Variants in PTPRR observed in about 807,000 individuals in gnomAD.
PTPRR encodes receptor-type tyrosine-protein phosphatase R.
PTPRR carries 38 observed loss-of-function variants against 77.2 expected under a neutral mutation model. The observed-to-expected ratio is 0.49, with a 90% CI of 0.38 to 0.65. The LOEUF is 0.65. Among genes scored for constraint, PTPRR ranks in the 30% least tolerant of loss-of-function variants. The pLI is 0.00. For synonymous variants in PTPRR, 299 were observed against 283.1 expected, an observed-to-expected ratio of 1.06 and a Z score of -0.57; for missense variants, 744 against 799.2, an observed-to-expected ratio of 0.93 and a Z score of 0.83.
intron 2 of PTPRR, among the ~76,000 whole-genome samples, chr12:70,835,928 G>A (rs1047340533): frequency 6.6e-6 from 1 of 151,996 alleles, no homozygotes; most frequent in Non-Finnish European, 1.5e-5. Context: ...ATTTTGCAGA[G>A]GTGGCCATTC....
chr12:70,835,987 C>T (rs1005541971), intron 2 of PTPRR, among the ~76,000 whole-genome samples: 1 of 152,036 alleles, frequency 6.6e-6, no homozygotes, highest in East Asian at 1.9e-4. Context: ...TCATACTTGT[C>T]CCCTTTTTCC....
chr12:70,784,406 G>T (rs889358279), intron 2 of PTPRR, among the ~76,000 whole-genome samples: 6 of 152,348 alleles, frequency 3.9e-5, no homozygotes, highest in African/African-American at 1.4e-4. Flanking sequence ...TGGGCTAGTA[G>T]CGGGGTTGGG....
Position 70,861,932 on chromosome 12 carries a change from A to G in PTPRR, c.357+30747T>C, listed in dbSNP as rs559169667. On this transcript the variant is annotated intron_variant, in intron 2 of 13. Coordinates refer to ENST00000283228, the MANE Select transcript of PTPRR (RefSeq NM_002849.4). The stretch of plus-strand genomic sequence containing the variant: ...GAGTTCAGAAATGGAGCAAATGCTC[A>G]GATGGTCATGCTCTTTTAAGGAAGA... Among the ~76,000 whole-genome samples, 5 of 152,314 alleles carry G rather than the reference A, an allele frequency of 3.3e-5. 1 individual carries two copies. The East Asian group carries it at 7.7e-4, about 23-fold the overall frequency.
chr12:70,820,862 T>G (rs750751818), intron 2 of PTPRR, among the ~76,000 whole-genome samples: 8 of 152,210 alleles, frequency 5.3e-5, no homozygotes, highest in Non-Finnish European at 8.8e-5. Flanking sequence ...CTATCTCCTC[T>G]TAGTAATTTA....
At chr12:70,836,174 C>T (rs1189506502) in intron 2 of PTPRR, among the ~76,000 whole-genome samples, 2 of 152,142 alleles carry the variant, frequency 1.3e-5, no homozygotes. Flanking sequence ...GGTTTCTCAT[C>T]ACCTACAGGA....
intron 2 of PTPRR, among the ~76,000 whole-genome samples, chr12:70,770,720 G>A (rs1890951370): frequency 6.6e-6 from 1 of 152,078 alleles, no homozygotes; most frequent in African/African-American, 2.4e-5. Flanking sequence ...GTTTATTGCG[G>A]CACAATTCAC....
intron 2 of PTPRR, among the ~76,000 whole-genome samples, chr12:70,823,284 G>T (rs961358171): frequency 6.6e-6 from 1 of 152,116 alleles, no homozygotes; most frequent in African/African-American, 2.4e-5. Context: ...AGGATGGCAG[G>T]CTCCTGAAAC....
intron 2 of PTPRR, among the ~76,000 whole-genome samples, chr12:70,812,733 GA>G (rs1184388451): frequency 6.6e-6 from 1 of 152,174 alleles, no homozygotes; most frequent in African/African-American, 2.4e-5. Context: ...TTAGAGGTAA[GA>G]AAAGCACACT....
At chr12:70,702,070 C>T (rs1888447839) in intron 6 of PTPRR, among the ~76,000 whole-genome samples, 1 of 152,128 alleles carries the variant, frequency 6.6e-6, no homozygotes, top group Non-Finnish European at 1.5e-5. Context: ...TGAATTGACA[C>T]ACGAATTCAT....
chr12:70,839,786 C>A (rs1333514051), intron 2 of PTPRR, among the ~76,000 whole-genome samples: 1 of 152,160 alleles, frequency 6.6e-6, no homozygotes, highest in Non-Finnish European at 1.5e-5. Flanking sequence ...CTTCGCTTCT[C>A]TCCTCCTGTG....
At chr12:70,769,996 A>G (rs995789144) in intron 2 of PTPRR, among the ~76,000 whole-genome samples, 2 of 152,320 alleles carry the variant, frequency 1.3e-5, no homozygotes, top group African/African-American at 4.8e-5. Context: ...TACACCTTAT[A>G]CAAAAATTAA....
chr12:70,797,299 A>G (rs1458167259), intron 2 of PTPRR, among the ~76,000 whole-genome samples: 1 of 152,148 alleles, frequency 6.6e-6, no homozygotes, highest in Non-Finnish European at 1.5e-5. Flanking sequence ...TTCTCTTATC[A>G]AAGGCAAAAT....
At chr12:70,807,517 T>C (rs1412642375) in intron 2 of PTPRR, among the ~76,000 whole-genome samples, 1 of 152,236 alleles carries the variant, frequency 6.6e-6, no homozygotes, top group Non-Finnish European at 1.5e-5. Context: ...TGTCCATTTT[T>C]ACCACTGGAT....
chr12:70,805,946 C>A (rs555966124), intron 2 of PTPRR, among the ~76,000 whole-genome samples: 2 of 152,002 alleles, frequency 1.3e-5, no homozygotes, highest in Non-Finnish European at 2.9e-5. Flanking sequence ...GGGTCTTGGC[C>A]AGAAACAGAA....
rs967462382 is a variant in PTPRR, at chr12:70,667,198, C to T, written c.1498-4593G>A. On this transcript the variant is annotated intron_variant, in intron 10 of 13. Coordinates refer to ENST00000283228, the MANE Select transcript of PTPRR (RefSeq NM_002849.4). ...GTCTCGATCTCCTGACGTCGTGATC[C>T]TCCTGCCTTGGCCTCCCAAAGTGCT... Among the ~76,000 whole-genome samples, 6 of 152,136 alleles carry T rather than the reference C, an allele frequency of 3.9e-5. No homozygotes were observed. In the South Asian group the frequency reaches 1.0e-3, roughly 26 times the overall value.
intron 2 of PTPRR, among the ~76,000 whole-genome samples, chr12:70,881,848 G>A (rs563064255): frequency 2.0e-5 from 3 of 152,284 alleles, no homozygotes; most frequent in South Asian, 4.1e-4. Context: ...ATTCAACAGC[G>A]AGAAGAAGCA....
In PTPRR at chr12:70,892,901, C is replaced by G. The variant is rs747249413; in HGVS notation, c.135G>C (p.Lys45Asn). 6.2e-7 allele frequency: 1 copy of G among 1,613,442 alleles called. No homozygotes were observed. The highest frequency in any genetic ancestry group is 1.7e-5 in the Admixed American group (1 of 59,946). Reference sequence around the variant, plus strand: ...GGCTCTTCTCAATGTCTTGTGAATGCTTATAAATGAATACCGGCTTCCCAC... The same window carrying G: ...GGCTCTTCTCAATGTCTTGTGAATGGTTATAAATGAATACCGGCTTCCCAC... ...KKSGKPVFIYKHSQDIEKSLD... is the reference protein window; with the variant it reads ...KKSGKPVFIYNHSQDIEKSLD... Residue 45 changes from lysine (K) to asparagine (N), a missense_variant, in exon 2 of 14, where the codon AAG becomes AAC. Lys to Asn is a moderately conservative substitution (Grantham distance 94). This residue lies in a region of PTPRR where 570 missense variants were observed against 573.2 expected (regional missense o/e 0.99). Transcript: ENST00000283228.
At chr12:70,765,980 A>T (rs534092552) in intron 2 of PTPRR, among the ~76,000 whole-genome samples, 2 of 152,340 alleles carry the variant, frequency 1.3e-5, no homozygotes, top group South Asian at 4.1e-4. Context: ...AAACTAACAA[A>T]CAGAAAGGAC....
At chr12:70,708,256 C>T (rs1189539958) in intron 6 of PTPRR, among the ~76,000 whole-genome samples, 3 of 152,078 alleles carry the variant, frequency 2.0e-5, no homozygotes, top group Non-Finnish European at 4.4e-5. Context: ...TTGGCATCTG[C>T]GTGGATGAAT....
Sources: allele counts gnomAD v4.1 joint callset (sites outside exome capture counted in the v4.1 genomes callset), GRCh38; gene constraint gnomAD v4.1.1; regional missense constraint gnomAD v4.1.1; transcripts MANE v1.5; gene names NCBI Gene and HGNC (gene_info 2026-07-23, HGNC 2026-07-21).